EPB41: variants seen among roughly 807,000 people sequenced by gnomAD.
EPB41 encodes the protein erythrocyte membrane protein band 4.1.
Under a neutral mutation model 108.0 loss-of-function variants are expected in EPB41, and 65 were observed. That is an observed-to-expected ratio of 0.60 (90% CI 0.49 to 0.74). The LOEUF is 0.74. Ranked by LOEUF, EPB41 falls within the 30% of genes least tolerant of loss-of-function variation. The pLI, the probability that EPB41 is intolerant of heterozygous loss-of-function variation, is 0.00. For synonymous variants in EPB41, 336 were observed against 358.9 expected (o/e 0.94, Z 0.72); for missense variants, 875 against 1,037.0 (o/e 0.84, Z 2.15).
At chr1:29,092,724 C>T (rs894748751) in intron 16 of EPB41, among the ~76,000 whole-genome samples, 5 of 151,982 alleles carry the variant, frequency 3.3e-5, no homozygotes, top group Admixed American at 6.6e-5. Flanking sequence ...TCAAGTAGGC[C>T]CTGGTGTCTG....
chr1:28,972,645 G>A (rs1365213074), intron 1 of EPB41, among the ~76,000 whole-genome samples: 1 of 151,888 alleles, frequency 6.6e-6, no homozygotes, highest in Non-Finnish European at 1.5e-5. Context: ...TGTTGCCCAG[G>A]CTGGAGTGCA....
intron 1 of EPB41, among the ~76,000 whole-genome samples, chr1:28,982,029 A>G (rs1242082437): frequency 6.6e-6 from 1 of 151,872 alleles, no homozygotes; most frequent in Admixed American, 6.6e-5. Flanking sequence ...ATATCTCCTA[A>G]TGCTATCCCT....
intron 5 of EPB41, among the ~76,000 whole-genome samples, chr1:29,014,040 G>T (rs1347687578): frequency 6.6e-6 from 1 of 152,062 alleles, no homozygotes; most frequent in Non-Finnish European, 1.5e-5. Context: ...TATATGGCCA[G>T]TTGCAGTGGC....
rs140703132 is a variant in EPB41 at position 28,900,952 on chromosome 1, C to T, written c.-8+13742C>T. ...TTTTATTTATTTATTTATTTTGAGA[C>T]GGAATCTCACTCTGTTACCCAGGCT... On this transcript the variant is annotated intron_variant, in intron 1 of 16. Coordinates refer to the EPB41 transcript ENST00000347529. Among the ~76,000 whole-genome samples, 426 of 152,082 alleles carry T rather than the reference C, an allele frequency of 2.8e-3. 3 individuals are homozygous for T. Among genetic ancestry groups the T allele is most frequent in the African/African-American group, 5.7e-3 (235 of 41,454 alleles).
At chr1:28,948,874 A>G (rs888879982) in intron 1 of EPB41, among the ~76,000 whole-genome samples, 3 of 152,068 alleles carry the variant, frequency 2.0e-5, no homozygotes, top group African/African-American at 4.8e-5. Context: ...GCTTGAACCC[A>G]GAAGGCTGAG....
chr1:28,892,047 C>T (rs376164), intron 1 of EPB41, among the ~76,000 whole-genome samples: 1 of 135,008 alleles, frequency 7.4e-6, no homozygotes, highest in African/African-American at 2.8e-5. Flanking sequence ...GAGCCAAGAT[C>T]GTGCCACTGC....
chr1:29,096,659 AAT>A, intron 16 of EPB41: 1 of 932,340 alleles, frequency 1.1e-6, no homozygotes, highest in African/African-American at 1.8e-5. Flanking sequence ...AGAGGGCCAG[AAT>A]CTGTCCTGTG....
In EPB41 at chr1:29,117,419, T is replaced by C. The variant is rs1430345150; in HGVS notation, c.*607T>C. The C allele has an allele frequency of 6.5e-6, 1 of 152,710 alleles. No homozygotes were observed. The highest frequency in any genetic ancestry group is 1.5e-5 in the Non-Finnish European group (1 of 68,074). 9.5% of individuals were successfully genotyped at this position (152,710 alleles called of 1,614,324 possible). On this transcript the variant is annotated 3_prime_UTR_variant, in exon 21 of 21. Transcript: ENST00000343067. ...GTGGTTTTGGTAAGGCAGAGCCCTCTGCTGAGAATGTAGTATTGTTTTTCC... is the reference window on the plus strand; with the variant it reads ...GTGGTTTTGGTAAGGCAGAGCCCTCCGCTGAGAATGTAGTATTGTTTTTCC...
intron 4 of EPB41, among the ~76,000 whole-genome samples, chr1:29,007,754 T>C (rs2096431914): frequency 6.6e-6 from 1 of 152,116 alleles, no homozygotes; most frequent in Non-Finnish European, 1.5e-5. Context: ...TAGTCTCTTC[T>C]CCTCAATTTA....
chr1:29,078,078 T>C (rs1375051177), intron 16 of EPB41, among the ~76,000 whole-genome samples: 1 of 152,030 alleles, frequency 6.6e-6, no homozygotes, highest in East Asian at 1.9e-4. Flanking sequence ...ATACAAAAAT[T>C]AGCCAGGTAT....
At chr1:29,008,514 G>C (rs937112978) in intron 4 of EPB41, among the ~76,000 whole-genome samples, 1 of 152,174 alleles carries the variant, frequency 6.6e-6, no homozygotes, top group African/African-American at 2.4e-5. Flanking sequence ...GATGAGGCAG[G>C]ATTGGAATTC....
At chr1:28,910,978 C>G, upstream of EPB41, 1 of 985,328 alleles carries the variant, frequency 1.0e-6, no homozygotes, top group Non-Finnish European at 1.2e-6. Context: ...CTGTTTCTGC[C>G]TTGGAAATTA....
intron 18 of EPB41, among the ~76,000 whole-genome samples, chr1:29,110,182 C>CA (rs35536525): frequency 0.78 from 113,186 of 145,310 alleles, 44,439 homozygotes; most frequent in Non-Finnish European, 0.86. Flanking sequence ...CAAAAAAATA[C>CA]AAAAAAAAAA....
At position 29,035,680 on chromosome 1, in the gene EPB41, A is replaced by G. The variant is rs1639177422; in HGVS notation, c.1366-146A>G. The G allele has an allele frequency of 6.2e-6, 4 of 650,250 alleles. No individual in the cohort carries two copies. In the South Asian group the frequency reaches 8.6e-5, roughly 14 times the overall value. The allele number at this position is 650,250 out of a possible 1,614,324, so 40.3% of individuals were successfully genotyped here. A position where few individuals can be genotyped will look rare whatever the true frequency, so the allele number is the denominator to read the frequency against. ...AGTGAATTTCTTTCAGTAAGTAGGA[A>G]AAAATTCCAAATGACATTTTATGTC... On this transcript the variant is annotated intron_variant, in intron 9 of 20. Transcript: ENST00000343067.
intron 16 of EPB41, among the ~76,000 whole-genome samples, chr1:29,074,112 A>G (rs1028144324): frequency 1.3e-5 from 2 of 152,182 alleles, no homozygotes; most frequent in African/African-American, 2.4e-5. Flanking sequence ...CCCAGTGATC[A>G]TGTATTTACA....
intron 16 of EPB41, among the ~76,000 whole-genome samples, chr1:29,087,383 A>G (rs1659497888): frequency 6.7e-6 from 1 of 149,876 alleles, no homozygotes; most frequent in South Asian, 2.1e-4. Context: ...TTTTTTTGAG[A>G]TGGAGTTTTG....
chr1:29,032,857 A>G (rs1239953492), intron 8 of EPB41, among the ~76,000 whole-genome samples: 1 of 152,174 alleles, frequency 6.6e-6, no homozygotes, highest in African/African-American at 2.4e-5. Flanking sequence ...ACAAGAATTA[A>G]TAATTGTGCG....
At chr1:28,928,216 C>T (rs151279847) in intron 1 of EPB41, among the ~76,000 whole-genome samples, 1 of 152,120 alleles carries the variant, frequency 6.6e-6, no homozygotes, top group East Asian at 1.9e-4. Context: ...TGACCCACAA[C>T]ACATATGTTT....
intron 11 of EPB41, among the ~76,000 whole-genome samples, chr1:29,040,077 T>C (rs1056745493): frequency 2.0e-5 from 3 of 152,156 alleles, no homozygotes; most frequent in Non-Finnish European, 2.9e-5. Flanking sequence ...AATATTTTTC[T>C]GCAGTCCTGG....
Sources: gnomAD v4.1 joint callset for allele counts (sites outside exome capture counted in the v4.1 genomes callset) on GRCh38, gnomAD v4.1.1 for gene constraint, MANE v1.5 for transcripts, NCBI Gene and HGNC (gene_info 2026-07-23, HGNC 2026-07-21) for gene names.